Variants in RGS6 observed in about 807,000 individuals in gnomAD.
RGS6 encodes regulator of G protein signaling 6.
A neutral mutation model predicts 78.5 loss-of-function variants in RGS6; 30 were observed. That is an observed-to-expected ratio of 0.38 (90% CI 0.29 to 0.52). RGS6 has a LOEUF of 0.52. Ranked by LOEUF, RGS6 falls within the 20% of genes least tolerant of loss-of-function variation. The probability of loss-of-function intolerance (pLI) is 0.85; values close to 1 mark genes in which losing one functional copy is unlikely to be tolerated. For missense variants in RGS6, 495 were observed against 609.7 expected (o/e 0.81, Z 1.98); for synonymous variants, 206 against 206.0 (o/e 1.00, Z 0.00).
At chr14:71,973,179 A>G (rs989731949) in intron 2 of RGS6, among the ~76,000 whole-genome samples, 1 of 152,176 alleles carries the variant, frequency 6.6e-6, no homozygotes, top group East Asian at 1.9e-4. Context: ...TAGATCTAAC[A>G]TTCTAGGTCT....
chr14:72,380,506 C>CTTTA (rs1334461870), intron 3 of RGS6, among the ~76,000 whole-genome samples: 3 of 149,644 alleles, frequency 2.0e-5, no homozygotes, highest in African/African-American at 7.3e-5. Flanking sequence ...TTAAAATGGG[C>CTTTA]AAATAATCTA....
At chr14:72,349,588 C>G (rs1402255886) in intron 2 of RGS6, among the ~76,000 whole-genome samples, 4 of 152,144 alleles carry the variant, frequency 2.6e-5, no homozygotes, top group Non-Finnish European at 5.9e-5. Context: ...GGAGTGTAGT[C>G]TTCTTTCTGT....
At chr14:72,350,939 A>T (rs2152734106) in intron 2 of RGS6, among the ~76,000 whole-genome samples, 1 of 152,326 alleles carries the variant, frequency 6.6e-6, no homozygotes, top group African/African-American at 2.4e-5. Flanking sequence ...ATTTATGATG[A>T]TGATGATGAT....
intron 2 of RGS6, among the ~76,000 whole-genome samples, chr14:72,182,060 T>C (rs1344160704): frequency 2.6e-5 from 4 of 152,240 alleles, no homozygotes; most frequent in Admixed American, 6.5e-5. Context: ...TGAAAACTAT[T>C]CTTTCCATAA....
At chr14:72,179,904 A>G (rs553045218) in intron 2 of RGS6, among the ~76,000 whole-genome samples, 2 of 152,300 alleles carry the variant, frequency 1.3e-5, no homozygotes, top group East Asian at 3.9e-4. Flanking sequence ...TCTAATGCAC[A>G]TTGAAGTTTG....
chr14:72,023,251 A>T (rs1204498352), intron 2 of RGS6, among the ~76,000 whole-genome samples: 1 of 152,204 alleles, frequency 6.6e-6, no homozygotes, highest in Non-Finnish European at 1.5e-5. Context: ...AGCTGGAAAT[A>T]TATTTGGTGG....
rs1026996296 is a variant in RGS6 at position 72,330,564 on chromosome 14, G to C, written c.85-21531G>C. ...GGGAGGTTGAAAAATCAAGGGTTTT[G>C]CCATGTGTCTGAGTTTGATTCCTCC... is the stretch of plus-strand genomic sequence containing the variant. On this transcript the variant is annotated intron_variant, in intron 2 of 17. Coordinates refer to ENST00000553525, the MANE Select transcript of RGS6 (RefSeq NM_001204424.2). Among the ~76,000 whole-genome samples the C allele has an allele frequency of 1.3e-5, 2 of 152,210 alleles. 1 individual carries two copies. The highest frequency in any genetic ancestry group is 4.8e-5 in the African/African-American group (2 of 41,446).
At chr14:71,871,902 C>T in the RGS6 span, among the ~76,000 whole-genome samples, 5 of 152,026 alleles carry the variant, frequency 3.3e-5, no homozygotes, top group Non-Finnish European at 7.4e-5. Flanking sequence ...TGTGTCCTGT[C>T]ACCCACTTAC....
intron 2 of RGS6, among the ~76,000 whole-genome samples, chr14:72,070,903 C>A (rs191304609): frequency 2.0e-5 from 3 of 152,248 alleles, no homozygotes; most frequent in Admixed American, 2.0e-4. Context: ...ATGTTTTGTG[C>A]GTGTGTATTT....
At chr14:72,283,120 C>G (rs892456730) in intron 2 of RGS6, among the ~76,000 whole-genome samples, 3 of 152,184 alleles carry the variant, frequency 2.0e-5, no homozygotes, top group African/African-American at 7.2e-5. Flanking sequence ...TTTTTTAAGG[C>G]TGAATAATAT....
intron 2 of RGS6, among the ~76,000 whole-genome samples, chr14:72,262,807 G>A (rs920216217): frequency 2.0e-5 from 3 of 152,222 alleles, no homozygotes; most frequent in Non-Finnish European, 2.9e-5. Flanking sequence ...AGATGGCCAA[G>A]GGTCAGATAT....
At chr14:72,282,659 T>A (rs1018342678) in intron 2 of RGS6, among the ~76,000 whole-genome samples, 1 of 152,254 alleles carries the variant, frequency 6.6e-6, no homozygotes, top group Non-Finnish European at 1.5e-5. Context: ...TACATTTTGA[T>A]GAGTTTGGAC....
At chr14:72,220,053 C>T (rs1331085692) in intron 2 of RGS6, among the ~76,000 whole-genome samples, 1 of 152,136 alleles carries the variant, frequency 6.6e-6, no homozygotes, top group Non-Finnish European at 1.5e-5. Context: ...GACACAAAAT[C>T]AGTGAACAAA....
chr14:71,932,127 G>A (rs1360479753), upstream of RGS6, among the ~76,000 whole-genome samples: 1 of 152,228 alleles, frequency 6.6e-6, no homozygotes, highest in Non-Finnish European at 1.5e-5. Context: ...CCGCCCGGTC[G>A]AGCCAGTCTC....
rs34316528 is a variant in RGS6, at chr14:72,445,481, ATT to A, written c.185-9032_185-9031del. 5.6e-3 allele frequency among the ~76,000 whole-genome samples: 828 copies of A among 147,578 alleles called. 1 individual carries two copies. Among genetic ancestry groups the A allele is most frequent in the African/African-American group, 9.5e-3 (383 of 40,200 alleles). On this transcript the variant is annotated intron_variant, in intron 3 of 17. Transcript: ENST00000553525. Reference sequence around the variant, plus strand: ...CTGGGATTACAGGCAAAAAGATGTGATTTTTTTTTTTTTTTTAACAGTATCAG... The same window carrying A: ...CTGGGATTACAGGCAAAAAGATGTGATTTTTTTTTTTTTTAACAGTATCAG...
chr14:72,120,701 G>A (rs1393814732), intron 2 of RGS6, among the ~76,000 whole-genome samples: 1 of 152,174 alleles, frequency 6.6e-6, no homozygotes, highest in Non-Finnish European at 1.5e-5. Flanking sequence ...AGTAAAAGAA[G>A]CATGACCCTT....
chr14:71,917,156 G>T, the RGS6 span, among the ~76,000 whole-genome samples: 1 of 152,136 alleles, frequency 6.6e-6, no homozygotes, highest in African/African-American at 2.4e-5. Flanking sequence ...ACATGCTTCT[G>T]GTATTAGGAC....
At chr14:72,422,916 C>T (rs551220024) in intron 3 of RGS6, among the ~76,000 whole-genome samples, 15 of 152,326 alleles carry the variant, frequency 9.8e-5, no homozygotes, top group Admixed American at 3.9e-4. Flanking sequence ...GGAGCGGACT[C>T]GCTTGCAGAG....
intron 12 of RGS6, among the ~76,000 whole-genome samples, chr14:72,486,015 A>T (rs774781640): frequency 6.6e-6 from 1 of 152,118 alleles, no homozygotes; most frequent in Non-Finnish European, 1.5e-5. Flanking sequence ...ACCCAGTGGG[A>T]GGTAATTGAA....
Sources: allele counts gnomAD v4.1 joint callset (sites outside exome capture counted in the v4.1 genomes callset), GRCh38; gene constraint gnomAD v4.1.1; transcripts MANE v1.5; gene names NCBI Gene and HGNC (gene_info 2026-07-23, HGNC 2026-07-21).